PTPRM: variants seen among roughly 807,000 people sequenced by gnomAD.
PTPRM encodes receptor-type tyrosine-protein phosphatase mu.
Under a neutral mutation model 186.7 loss-of-function variants are expected in PTPRM, and 47 were observed. That is an observed-to-expected ratio of 0.25 (90% confidence interval 0.20 to 0.32). The LOEUF (loss-of-function observed/expected upper bound fraction) is 0.32. Ranked by LOEUF, PTPRM falls within the 10% of genes least tolerant of loss-of-function variation. PTPRM has a pLI of 1.00. For missense variants in PTPRM, 1,494 were observed against 1,865.0 expected, an observed-to-expected ratio of 0.80 and a Z score of 3.66; for synonymous variants, 668 against 674.9, an observed-to-expected ratio of 0.99 and a Z score of 0.16.
chr18:7,730,749 T>G (rs943576129), intron 1 of PTPRM, among the ~76,000 whole-genome samples: 9 of 152,182 alleles, frequency 5.9e-5, no homozygotes, highest in Non-Finnish European at 4.4e-5. Context: ...GAGGGGTGAT[T>G]AAAAAGCTCA....
At chr18:7,936,343 G>A (rs2051806249) in intron 5 of PTPRM, among the ~76,000 whole-genome samples, 2 of 152,208 alleles carry the variant, frequency 1.3e-5, no homozygotes, top group Non-Finnish European at 2.9e-5. Flanking sequence ...AGACACCCCT[G>A]CACCTGCAGG....
intron 19 of PTPRM, among the ~76,000 whole-genome samples, chr18:8,255,998 T>A (rs2094571186): frequency 6.6e-6 from 1 of 152,260 alleles, no homozygotes; most frequent in Non-Finnish European, 1.5e-5. Flanking sequence ...GGTACTCATA[T>A]GTCCCACTTT....
At chr18:8,118,081 G>C (rs879756002) in intron 13 of PTPRM, among the ~76,000 whole-genome samples, 1 of 152,040 alleles carries the variant, frequency 6.6e-6, no homozygotes, top group Non-Finnish European at 1.5e-5. Flanking sequence ...TAAACTTGTA[G>C]GGTACACTAA....
intron 7 of PTPRM, among the ~76,000 whole-genome samples, chr18:8,063,845 T>C (rs1403232371): frequency 3.3e-5 from 5 of 152,188 alleles, no homozygotes; most frequent in Non-Finnish European, 7.3e-5. Flanking sequence ...GTATGTATTC[T>C]TTTACTTTAT....
intron 9 of PTPRM, among the ~76,000 whole-genome samples, chr18:8,077,685 A>T (rs2089902260): frequency 6.6e-6 from 1 of 152,094 alleles, no homozygotes; most frequent in African/African-American, 2.4e-5. Flanking sequence ...CCCCATTGCC[A>T]TTTTTAGGTC....
intron 7 of PTPRM, among the ~76,000 whole-genome samples, chr18:8,061,818 G>A (rs1406959577): frequency 1.5e-4 from 15 of 98,742 alleles, no homozygotes; most frequent in Admixed American, 5.3e-4. Context: ...GGTTTCTGCC[G>A]AGAGATCCGC....
intron 32 of PTPRM, among the ~76,000 whole-genome samples, chr18:8,400,553 C>T (rs1343444228): frequency 1.3e-5 from 2 of 152,180 alleles, no homozygotes; most frequent in African/African-American, 2.4e-5. Flanking sequence ...GGAGGATCAG[C>T]GGGCCTCTCC....
At chr18:8,123,706 T>C (rs2092252986) in intron 13 of PTPRM, among the ~76,000 whole-genome samples, 1 of 152,110 alleles carries the variant, frequency 6.6e-6, no homozygotes, top group African/African-American at 2.4e-5. Flanking sequence ...TCTTAATAAG[T>C]CCTCCCCTCT....
intron 23 of PTPRM, among the ~76,000 whole-genome samples, chr18:8,364,054 C>A (rs2095613005): frequency 6.6e-6 from 1 of 152,150 alleles, no homozygotes; most frequent in African/African-American, 2.4e-5. Context: ...AGTTATTTCC[C>A]AAACTGAAAC....
chr18:7,662,142 C>T (rs1034601342), intron 1 of PTPRM, among the ~76,000 whole-genome samples: 9 of 152,062 alleles, frequency 5.9e-5, no homozygotes, highest in African/African-American at 2.2e-4. Flanking sequence ...CTTCATGTTG[C>T]CCAGGCTGGT....
At chr18:8,181,098 T>C (rs2093566752) in intron 14 of PTPRM, among the ~76,000 whole-genome samples, 1 of 152,180 alleles carries the variant, frequency 6.6e-6, no homozygotes. Flanking sequence ...AAATTTAGTT[T>C]AGTTAACTAC....
intron 13 of PTPRM, among the ~76,000 whole-genome samples, chr18:8,120,961 A>C (rs182076262): frequency 2.6e-5 from 4 of 152,342 alleles, no homozygotes; most frequent in Non-Finnish European, 5.9e-5. Flanking sequence ...CCAACTTTGT[A>C]ACCATCTTAG....
chr18:8,376,655 C>G lies in PTPRM; in HGVS notation c.3462+58C>G, dbSNP rs1446836291. On this transcript the variant is annotated intron_variant, in intron 26 of 32. Transcript: ENST00000580170. ...GGTCCCTGGGCTCCCTCCTGCATCT[C>G]CCCATTTCAGGGCCAAGGGCACAAG... 4.5e-6 allele frequency: 7 copies of G among 1,550,442 alleles called. No homozygotes were observed. In the South Asian group the frequency reaches 6.0e-5, roughly 13 times the overall value.
intron 23 of PTPRM, among the ~76,000 whole-genome samples, chr18:8,344,448 G>GTGTGTGTGTATATATATA (rs1360655194): frequency 6.0e-5 from 2 of 33,420 alleles, no homozygotes; most frequent in Admixed American, 3.5e-4. Context: ...GTGTGTGTGT[G>GTGTGTGTGTATATATATA]TATATATATA....
At chr18:8,123,790 A>T (rs1346111639) in intron 13 of PTPRM, among the ~76,000 whole-genome samples, 1 of 152,110 alleles carries the variant, frequency 6.6e-6, no homozygotes, top group Non-Finnish European at 1.5e-5. Context: ...GGTTATTGGG[A>T]TCCTTCAGCA....
chr18:8,207,749 T>C (rs2146921281), intron 14 of PTPRM, among the ~76,000 whole-genome samples: 1 of 152,348 alleles, frequency 6.6e-6, no homozygotes, highest in South Asian at 2.1e-4. Context: ...TATTACATGT[T>C]CTTGTATTTT....
chr18:8,253,382 G>A lies in PTPRM; in HGVS notation c.2722G>A (p.Ala908Thr). The stretch of plus-strand genomic sequence containing the variant: ...TCAGCACATCACACAGATGAAGTGT[G>A]CGGAGGGCTACGGCTTCAAGGAGGA... ...LLQHITQMKC[A>T]EGYGFKEEYE... The change falls in exon 19 of 33, where the codon GCG becomes ACG. Residue 908 changes from alanine to threonine, a missense_variant. By Grantham distance (58) the Ala-to-Thr change is moderately conservative. This residue lies in a region of PTPRM where 1,107 missense variants were observed against 1,350.2 expected (regional missense o/e 0.82). Transcript: ENST00000580170. 1 of 1,562,492 alleles carries A rather than the reference G, an allele frequency of 6.4e-7. No individual in the cohort carries two copies. The highest frequency in any genetic ancestry group is 8.7e-7 in the Non-Finnish European group (1 of 1,154,562).
At position 8,213,409 on chromosome 18, in the gene PTPRM, G is replaced by A. The variant is rs117004583; in HGVS notation, c.2301-30649G>A. Among the ~76,000 whole-genome samples, 51 of 152,248 alleles carry A rather than the reference G, an allele frequency of 3.3e-4. No individual in the cohort carries two copies. In the East Asian group the frequency reaches 7.7e-3, roughly 23 times the overall value. On this transcript the variant is annotated intron_variant, in intron 14 of 32. Coordinates refer to ENST00000580170, the MANE Select transcript of PTPRM (RefSeq NM_001105244.2). The stretch of plus-strand genomic sequence containing the variant: ...GATTCCAATGGTTCAGATATTTAAC[G>A]GTCACCCGTGTTTATACTACTTTTG...
intron 1 of PTPRM, among the ~76,000 whole-genome samples, chr18:7,719,927 G>C (rs868767521): frequency 2.4e-4 from 37 of 152,312 alleles, no homozygotes; most frequent in Middle Eastern, 3.4e-3. Flanking sequence ...GCCAGGTGTA[G>C]TGGTGTGTAT....
Sources: allele counts gnomAD v4.1 joint callset (sites outside exome capture counted in the v4.1 genomes callset), GRCh38; gene constraint gnomAD v4.1.1; regional missense constraint gnomAD v4.1.1; transcripts MANE v1.5; gene names NCBI Gene and HGNC (gene_info 2026-07-23, HGNC 2026-07-21).